WDHD1: variants seen among roughly 807,000 people sequenced by gnomAD.
WDHD1 encodes WD repeat and HMG-box DNA binding protein 1.
In WDHD1, 111 loss-of-function variants were observed where a neutral mutation model predicts 135.4. The observed-to-expected ratio is 0.82, with a 90% CI of 0.70 to 0.96. The LOEUF (loss-of-function observed/expected upper bound fraction) is 0.96. Ranked by LOEUF, WDHD1 falls within the 40% of genes least tolerant of loss-of-function variation. The pLI is 0.00. For synonymous variants in WDHD1, 434 were observed against 439.0 expected, an observed-to-expected ratio of 0.99 and a Z score of 0.14; for missense variants, 1,351 against 1,336.3, an observed-to-expected ratio of 1.01 and a Z score of -0.17.
rs73266050 is a variant in WDHD1, at chr14:54,984,131, T to A, written c.1906+592A>T. On this transcript the variant is annotated intron_variant, in intron 15 of 25. Coordinates refer to ENST00000360586, the MANE Select transcript of WDHD1 (RefSeq NM_007086.4). ...CAACTTATTATTGATTTGTATCACC[T>A]CCTTGCTATTTAATACTTTCAGAAA... Among the ~76,000 whole-genome samples the A allele has an allele frequency of 2.9e-3, 435 of 152,346 alleles. 3 individuals carry two copies. Among genetic ancestry groups the A allele is most frequent in the African/African-American group, 9.1e-3 (377 of 41,568 alleles).
intron 23 of WDHD1, among the ~76,000 whole-genome samples, chr14:54,956,216 C>T: frequency 6.6e-6 from 1 of 152,118 alleles, no homozygotes; most frequent in African/African-American, 2.4e-5. Context: ...TGTACAATAT[C>T]AGCCACTATT....
chr14:54,983,289 G>A (rs1482454477), intron 15 of WDHD1, among the ~76,000 whole-genome samples: 1 of 151,972 alleles, frequency 6.6e-6, no homozygotes, highest in Non-Finnish European at 1.5e-5. Context: ...AATATCATGT[G>A]AGCCACAAGT....
intron 16 of WDHD1, among the ~76,000 whole-genome samples, chr14:54,981,075 C>T (rs1027962326): frequency 1.3e-5 from 2 of 152,086 alleles, no homozygotes; most frequent in South Asian, 2.1e-4. Flanking sequence ...CACGCCACTA[C>T]AATCCAGCCT....
chr14:55,019,063 C>A (rs1010357620), intron 2 of WDHD1, among the ~76,000 whole-genome samples: 1 of 152,084 alleles, frequency 6.6e-6, no homozygotes, highest in South Asian at 2.1e-4. Context: ...GATTTAACTT[C>A]AAATTTATTC....
intron 2 of WDHD1, among the ~76,000 whole-genome samples, chr14:55,015,039 G>C (rs2042236725): frequency 6.6e-6 from 1 of 152,136 alleles, no homozygotes; most frequent in African/African-American, 2.4e-5. Context: ...AGGTGGTTAG[G>C]CTCCCTTCTA....
intron 15 of WDHD1, among the ~76,000 whole-genome samples, chr14:54,984,219 G>A (rs1185269318): frequency 1.3e-5 from 2 of 152,336 alleles, no homozygotes; most frequent in Non-Finnish European, 2.9e-5. Context: ...TCTTAGCCGG[G>A]TGCAGTGGCT....
chr14:54,988,264 A>T (rs547364201), intron 13 of WDHD1, among the ~76,000 whole-genome samples: 60 of 152,144 alleles, frequency 3.9e-4, no homozygotes, highest in Non-Finnish European at 7.1e-4. Flanking sequence ...AGAGATTTTA[A>T]ATTTAATCCA....
chr14:54,963,309 A>G, intron 18 of WDHD1, 137 bp from the exon 19 acceptor site: 1 of 683,156 alleles, frequency 1.5e-6, no homozygotes, highest in East Asian at 2.7e-5. Flanking sequence ...GCACATTTTT[A>G]CAAGTTTTAA....
chr14:54,946,440 T>C (rs1345795312), intron 24 of WDHD1, among the ~76,000 whole-genome samples: 1 of 152,176 alleles, frequency 6.6e-6, no homozygotes, highest in Non-Finnish European at 1.5e-5. Context: ...AAAAGTAAGT[T>C]TTTTGTATAA....
At chr14:54,960,706 A>T (rs2041237968) in intron 21 of WDHD1, among the ~76,000 whole-genome samples, 1 of 147,522 alleles carries the variant, frequency 6.8e-6, no homozygotes, top group Admixed American at 6.8e-5. Flanking sequence ...TGGTTTCACC[A>T]TTTTGGCCAG....
In WDHD1 at chr14:54,956,525, C is replaced by T. The variant is rs61977045; in HGVS notation, c.2916+509G>A. Among the ~76,000 whole-genome samples, 614 of 152,210 alleles carry T rather than the reference C, an allele frequency of 4.0e-3. 3 individuals carry two copies. The highest frequency in any genetic ancestry group is 0.011 in the Admixed American group (173 of 15,282). ...TGATGTCAGGCCTCTGTAATCCCAA[C>T]TCCTCGGGAGGCTGAGGCATGAGAA... On this transcript the variant is annotated intron_variant, in intron 23 of 25. Transcript: ENST00000360586.
In WDHD1 at chr14:55,010,325, T is replaced by C; in HGVS notation, c.325A>G (p.Ile109Val). 1 of 1,604,942 alleles carries C rather than the reference T, an allele frequency of 6.2e-7. No homozygotes were observed. The highest frequency in any genetic ancestry group is 8.5e-7 in the Non-Finnish European group (1 of 1,177,138). ...GAGCCTTACCTAGATCCAGCAGCAA[T>C]TTTAGTACCATCCCCATTAAAGACC... Reference protein sequence around the residue: ...HVVFNGDGTKIAAGSSDFLVK... With the variant: ...HVVFNGDGTKVAAGSSDFLVK... Residue 109 changes from isoleucine to valine, a missense_variant, in exon 4 of 26, where the codon ATT becomes GTT. This residue lies in a region of WDHD1 where 1,330 missense variants were observed against 1,296.1 expected (regional missense o/e 1.03). Transcript: ENST00000360586.
intron 10 of WDHD1, among the ~76,000 whole-genome samples, chr14:54,999,352 G>C (rs556203469): frequency 8.5e-5 from 13 of 152,246 alleles, no homozygotes; most frequent in Admixed American, 2.6e-4. Flanking sequence ...GTGAAGATGG[G>C]GGAGGGCAGG....
intron 10 of WDHD1, among the ~76,000 whole-genome samples, chr14:54,998,427 G>C (rs1273123508): frequency 6.6e-6 from 1 of 152,066 alleles, no homozygotes; most frequent in Non-Finnish European, 1.5e-5. Flanking sequence ...ACCGTGCCCA[G>C]CCAAAATTTT....
chr14:54,995,333 GT>G (rs892600138), intron 11 of WDHD1, among the ~76,000 whole-genome samples: 9 of 151,570 alleles, frequency 5.9e-5, no homozygotes, highest in Admixed American at 4.0e-4. Flanking sequence ...TTCTCTATAG[GT>G]TTTCTGTTGT....
At chr14:55,005,186 G>A (rs1358311057) in intron 7 of WDHD1, 3 of 540,062 alleles carry the variant, frequency 5.6e-6, no homozygotes, top group African/African-American at 1.9e-5. Context: ...CACTGAGTGA[G>A]CTCCCTTGCT....
intron 6 of WDHD1, among the ~76,000 whole-genome samples, chr14:55,007,607 A>G (rs1457484813): frequency 2.0e-5 from 3 of 152,212 alleles, no homozygotes; most frequent in African/African-American, 4.8e-5. Context: ...GAATAAACAA[A>G]TGATATACTC....
chr14:55,027,012 C>G lies in WDHD1; in HGVS notation c.-17+16G>C, dbSNP rs749293911. On this transcript the variant is annotated intron_variant, in intron 1 of 25. Coordinates refer to ENST00000360586, the MANE Select transcript of WDHD1 (RefSeq NM_007086.4). Reference sequence around the variant, plus strand: ...CATCTCCTTGGTGGACGCGGGCAGCCGGAGTGGGGACTCACCCGGGTGACC... The same window carrying G: ...CATCTCCTTGGTGGACGCGGGCAGCGGGAGTGGGGACTCACCCGGGTGACC... 3.6e-4 allele frequency: 194 copies of G among 538,726 alleles called. 2 individuals are homozygous for G. The highest frequency in any genetic ancestry group is 5.0e-4 in the Middle Eastern group (1 of 1,996). The allele number at this position is 538,726 out of a possible 1,614,324, so 33.4% of individuals were successfully genotyped here.
At chr14:54,983,396 G>C (rs1394748873) in intron 15 of WDHD1, among the ~76,000 whole-genome samples, 1 of 152,040 alleles carries the variant, frequency 6.6e-6, no homozygotes, top group Non-Finnish European at 1.5e-5. Flanking sequence ...ATTTAGGCTG[G>C]GGGCGGTGGC....
Sources: gnomAD v4.1 joint callset for allele counts (sites outside exome capture counted in the v4.1 genomes callset) on GRCh38, gnomAD v4.1.1 for gene constraint, gnomAD v4.1.1 regional missense constraint, MANE v1.5 for transcripts, NCBI Gene and HGNC (gene_info 2026-07-23, HGNC 2026-07-21) for gene names.